Variants in SPMAP2L observed in about 807,000 individuals in gnomAD.
The protein encoded by SPMAP2L is sperm microtubule associated protein 2 like, also known as sperm microtubule associated protein 2-like.
the SPMAP2L span, among the ~76,000 whole-genome samples, chr4:56,567,415 C>T: frequency 6.8e-6 from 1 of 147,308 alleles, no homozygotes; most frequent in East Asian, 2.0e-4. Context: ...TACAGGTGCA[C>T]ACCACCACAC....
chr4:56,600,093 CTTTCTTTTTT>C, the SPMAP2L span, among the ~76,000 whole-genome samples: 2 of 93,860 alleles, frequency 2.1e-5, no homozygotes, highest in African/African-American at 9.5e-5. Context: ...TTTTTCTTTG[CTTTCTTTTTT>C]TTTTTTTTTT....
the SPMAP2L span, among the ~76,000 whole-genome samples, chr4:56,604,514 C>T: frequency 6.6e-6 from 1 of 151,882 alleles, no homozygotes; most frequent in Non-Finnish European, 1.5e-5. Flanking sequence ...AAAAATTAGC[C>T]TGGTGTGGTG....
chr4:56,552,406 G>A, the SPMAP2L span: 217 of 584,520 alleles, frequency 3.7e-4, 1 homozygote, highest in African/African-American at 3.7e-3. Context: ...TGGATACTTT[G>A]AGCCTTTCAG....
chr4:56,605,114 A>T, the SPMAP2L span, among the ~76,000 whole-genome samples: 1 of 152,196 alleles, frequency 6.6e-6, no homozygotes, highest in Admixed American at 6.5e-5. Flanking sequence ...TAACTTATCT[A>T]TGTAACCAAA....
At chr4:56,584,005 C>T in the SPMAP2L span, among the ~76,000 whole-genome samples, 6 of 151,044 alleles carry the variant, frequency 4.0e-5, no homozygotes, top group African/African-American at 1.5e-4. Flanking sequence ...CTCACTTTGT[C>T]ACCCAGGCTG....
At chr4:56,609,693 C>G in the SPMAP2L span, among the ~76,000 whole-genome samples, 2 of 152,114 alleles carry the variant, frequency 1.3e-5, no homozygotes, top group Non-Finnish European at 2.9e-5. Context: ...GGGCTATGCT[C>G]TCATCAGCGG....
chr4:56,567,608 G>T, the SPMAP2L span, among the ~76,000 whole-genome samples: 1 of 151,760 alleles, frequency 6.6e-6, no homozygotes, highest in Admixed American at 6.6e-5. Flanking sequence ...TTTAGTTCAG[G>T]TCTGCTGCTG....
the SPMAP2L span, chr4:56,575,674 A>G: frequency 1.3e-6 from 2 of 1,527,836 alleles, no homozygotes; most frequent in Non-Finnish European, 1.8e-6. Context: ...TGTAAATCCT[A>G]ATCTAATTTG....
chr4:56,548,103 A>G, the SPMAP2L span, among the ~76,000 whole-genome samples: 1 of 152,232 alleles, frequency 6.6e-6, no homozygotes, highest in Non-Finnish European at 1.5e-5. Context: ...AGCAATGCAC[A>G]GAAGGACTCA....
chr4:56,537,692 CTT>C, the SPMAP2L span, among the ~76,000 whole-genome samples: 1 of 151,136 alleles, frequency 6.6e-6, no homozygotes, highest in Non-Finnish European at 1.5e-5. Context: ...GATTTCTTTT[CTT>C]TTCTTTTTTT....
the SPMAP2L span, among the ~76,000 whole-genome samples, chr4:56,563,227 G>T: frequency 6.7e-6 from 1 of 149,808 alleles, no homozygotes; most frequent in African/African-American, 2.5e-5. Flanking sequence ...CGAGAAGCTA[G>T]GACTACAGGC....
chr4:56,593,118 A>G, the SPMAP2L span: 3 of 1,579,388 alleles, frequency 1.9e-6, no homozygotes, highest in African/African-American at 4.0e-5. Flanking sequence ...TTACTGGAGA[A>G]CTCAGGATGG....
the SPMAP2L span, among the ~76,000 whole-genome samples, chr4:56,608,391 C>T: frequency 1.3e-4 from 20 of 152,020 alleles, no homozygotes; most frequent in Non-Finnish European, 2.1e-4. Context: ...TTTGGTAAGG[C>T]GATTAGTATG....
At chr4:56,543,285 G>A in the SPMAP2L span, among the ~76,000 whole-genome samples, 3 of 152,036 alleles carry the variant, frequency 2.0e-5, no homozygotes, top group Non-Finnish European at 4.4e-5. Context: ...GAGTTTCACC[G>A]TGTTAGCCAG....
chr4:56,601,863 A>G, the SPMAP2L span, among the ~76,000 whole-genome samples: 150,745 of 152,326 alleles, frequency 0.99, 74,600 homozygotes, highest in Middle Eastern at 1. Flanking sequence ...AGTGAAACAG[A>G]TTCTAGAACA....
At chr4:56,588,073 T>A in the SPMAP2L span, among the ~76,000 whole-genome samples, 1 of 152,268 alleles carries the variant, frequency 6.6e-6, no homozygotes, top group Admixed American at 6.5e-5. Flanking sequence ...TCATTAGTGA[T>A]GTTGAGCATT....
chr4:56,619,337 A>G, the SPMAP2L span, among the ~76,000 whole-genome samples: 3 of 152,224 alleles, frequency 2.0e-5, no homozygotes, highest in Non-Finnish European at 4.4e-5. Flanking sequence ...GCAGATTTCT[A>G]GAGCTTATTC....
chr4:56,547,946 A>G, the SPMAP2L span, among the ~76,000 whole-genome samples: 2 of 152,214 alleles, frequency 1.3e-5, no homozygotes, highest in Non-Finnish European at 2.9e-5. Context: ...AGATACCACA[A>G]TGAAGATTTT....
chr4:56,531,319 T>C, the SPMAP2L span: 1 of 1,177,440 alleles, frequency 8.5e-7, no homozygotes, highest in African/African-American at 1.5e-5. Flanking sequence ...ACTCGTGTCA[T>C]TTACCTGTTG....
Sources: allele counts gnomAD v4.1 joint callset (sites outside exome capture counted in the v4.1 genomes callset), GRCh38; gene constraint gnomAD v4.1.1; transcripts MANE v1.5; gene names NCBI Gene and HGNC (gene_info 2026-07-23, HGNC 2026-07-21).